The following RYR2 variants were observed in gnomAD, a reference collection of about 807,000 sequenced individuals.
RYR2 encodes cardiac muscle ryanodine receptor-calcium release channel.
In RYR2, 227 loss-of-function variants were observed where a neutral mutation model predicts 601.1. The observed-to-expected ratio is 0.38, with a 90% CI of 0.34 to 0.42. The LOEUF (loss-of-function observed/expected upper bound fraction) is 0.42, where lower values mean the gene tolerates loss of function less well. RYR2 is among the 10% of genes least tolerant of loss of function. The pLI, the probability that RYR2 is intolerant of heterozygous loss-of-function variation, is 1.00. For missense variants in RYR2, 4,646 were observed against 6,156.5 expected, an observed-to-expected ratio of 0.75 and a Z score of 8.21; for synonymous variants, 2,223 against 2,175.1, an observed-to-expected ratio of 1.02 and a Z score of -0.61.
intron 1 of RYR2, among the ~76,000 whole-genome samples, chr1:237,257,412 A>C (rs1688100562): frequency 6.6e-6 from 1 of 152,246 alleles, no homozygotes; most frequent in Non-Finnish European, 1.5e-5. Context: ...AACTAACATG[A>C]ACCTCCCTTT....
intron 27 of RYR2, 60 bp downstream of exon 27, chr1:237,550,751 C>T (rs1206339627): frequency 6.8e-7 from 1 of 1,476,406 alleles, no homozygotes; most frequent in East Asian, 2.5e-5. Context: ...TTCTTTAAAG[C>T]CAAATAAATG....
chr1:237,198,469 G>A (rs1190565117), intron 1 of RYR2, among the ~76,000 whole-genome samples: 11 of 136,006 alleles, frequency 8.1e-5, no homozygotes, highest in Non-Finnish European at 1.7e-4. Flanking sequence ...TGGTATGGAA[G>A]TATTTTCCTT....
At chr1:237,787,927 C>T (rs1657854248) in intron 91 of RYR2, 61 bp from the exon 92 acceptor site, 7 of 1,486,188 alleles carry the variant, frequency 4.7e-6, no homozygotes, top group East Asian at 2.5e-5. Context: ...TAATTTTCCA[C>T]AACACCCGTT....
At chr1:237,105,231 G>A (rs1249111157) in intron 1 of RYR2, among the ~76,000 whole-genome samples, 2 of 152,220 alleles carry the variant, frequency 1.3e-5, no homozygotes, top group Non-Finnish European at 2.9e-5. Flanking sequence ...GAAATATGCT[G>A]TTAAACAAAT....
chr1:237,458,384 G>T (rs985161082), intron 16 of RYR2, among the ~76,000 whole-genome samples: 3 of 152,154 alleles, frequency 2.0e-5, no homozygotes, highest in Non-Finnish European at 4.4e-5. Flanking sequence ...AGCCAAGATT[G>T]CGCCACTGCA....
intron 2 of RYR2, among the ~76,000 whole-genome samples, chr1:237,312,095 T>G (rs1014318875): frequency 1.3e-5 from 2 of 152,118 alleles, no homozygotes; most frequent in Non-Finnish European, 2.9e-5. Context: ...GAAGGAAACA[T>G]AGAGACAATA....
In RYR2 at chr1:237,430,399, ATTG is replaced by A. The variant is rs1463459758; in HGVS notation, c.1005+7156_1005+7158del. Among the ~76,000 whole-genome samples the A allele has an allele frequency of 1.6e-4, 25 of 152,090 alleles. 1 individual carries two copies. The highest frequency in any genetic ancestry group is 1.2e-3 in the South Asian group (6 of 4,820). On this transcript the variant is annotated intron_variant, in intron 12 of 104. Transcript: ENST00000366574. ...CTTATGATAGATTTTAATGTAATCT[ATTG>A]TTGTAATATTAAAGGTATTACAAAT...
At chr1:237,501,070 T>G (rs1246257271) in intron 21 of RYR2, among the ~76,000 whole-genome samples, 167 bp downstream of exon 21, 1 of 152,052 alleles carries the variant, frequency 6.6e-6, no homozygotes, top group Admixed American at 6.6e-5. Context: ...AAGCCTCACC[T>G]AAGATGGGCA....
intron 101 of RYR2, among the ~76,000 whole-genome samples, chr1:237,821,677 GA>G (rs1173904669): frequency 6.6e-6 from 1 of 151,968 alleles, no homozygotes; most frequent in Non-Finnish European, 1.5e-5. Context: ...AAATGAGTTT[GA>G]CAAATTGACA....
intron 38 of RYR2, among the ~76,000 whole-genome samples, chr1:237,618,855 G>A (rs1306755647): frequency 6.6e-6 from 1 of 152,106 alleles, no homozygotes; most frequent in Non-Finnish European, 1.5e-5. Context: ...ATCAGTAGAG[G>A]TTATGGAAGG....
intron 40 of RYR2, among the ~76,000 whole-genome samples, chr1:237,626,302 C>A (rs1030032177): frequency 6.6e-6 from 1 of 152,098 alleles, no homozygotes; most frequent in Non-Finnish European, 1.5e-5. Flanking sequence ...GCACAGCACT[C>A]TGAGTAGGTC....
At chr1:237,328,848 T>A (rs1333141472) in intron 2 of RYR2, among the ~76,000 whole-genome samples, 2 of 152,226 alleles carry the variant, frequency 1.3e-5, no homozygotes, top group Non-Finnish European at 2.9e-5. Flanking sequence ...GTAATGTGGA[T>A]GCATTGCATC....
At chr1:237,283,123 C>T (rs545946069) in intron 2 of RYR2, among the ~76,000 whole-genome samples, 14 of 152,250 alleles carry the variant, frequency 9.2e-5, no homozygotes, top group South Asian at 2.1e-4. Flanking sequence ...GACCCTTGCG[C>T]GTTCTTCACC....
At chr1:237,514,727 A>T (rs1265421689) in intron 24 of RYR2, among the ~76,000 whole-genome samples, 1 of 152,144 alleles carries the variant, frequency 6.6e-6, no homozygotes, top group Non-Finnish European at 1.5e-5. Context: ...CCACCGAGGA[A>T]ATGTTGCTGG....
intron 8 of RYR2, among the ~76,000 whole-genome samples, chr1:237,380,393 TATATATATATATATATATATATATATATA>T (rs1558718121): frequency 0.076 from 3,104 of 40,646 alleles, 195 homozygotes; most frequent in East Asian, 0.24. Flanking sequence ...TATATATATA[TATATATATATATATATATATATATATATA>T]GTAAATACGA....
At chr1:237,359,305 G>T (rs1283938331) in intron 4 of RYR2, among the ~76,000 whole-genome samples, 1 of 152,082 alleles carries the variant, frequency 6.6e-6, no homozygotes, top group Non-Finnish European at 1.5e-5. Flanking sequence ...GATTGTATGG[G>T]TAATCAAAAT....
chr1:237,134,939 A>G (rs1672596754), intron 1 of RYR2, among the ~76,000 whole-genome samples: 1 of 152,194 alleles, frequency 6.6e-6, no homozygotes, highest in Non-Finnish European at 1.5e-5. Context: ...TGTTAGCCTC[A>G]ATCACTGTAT....
At chr1:237,601,526 A>T (rs1676502466) in intron 34 of RYR2, among the ~76,000 whole-genome samples, 1 of 152,132 alleles carries the variant, frequency 6.6e-6, no homozygotes, top group African/African-American at 2.4e-5. Flanking sequence ...ATTGGACAGT[A>T]GGGTGACTAT....
chr1:237,203,901 T>C (rs1424485239), intron 1 of RYR2, among the ~76,000 whole-genome samples: 1 of 152,170 alleles, frequency 6.6e-6, no homozygotes, highest in Non-Finnish European at 1.5e-5. Context: ...TCACCATAGA[T>C]TAGTTTTCCT....
Sources: allele counts gnomAD v4.1 joint callset (sites outside exome capture counted in the v4.1 genomes callset), GRCh38; gene constraint gnomAD v4.1.1; transcripts MANE v1.5; gene names NCBI Gene and HGNC (gene_info 2026-07-23, HGNC 2026-07-21).